The following GALNT1 variants were observed in gnomAD, a reference collection of about 807,000 sequenced individuals.
GALNT1 encodes the protein polypeptide N-acetylgalactosaminyltransferase 1, also known as GalNAc transferase 1.
In GALNT1, 17 loss-of-function variants were observed where a neutral mutation model predicts 65.7. The ratio of observed to expected loss-of-function variants is 0.26; its 90% CI spans 0.18 to 0.39. The LOEUF is 0.39. GALNT1 is among the 10% of genes least tolerant of loss of function. The pLI is 1.00. For synonymous variants in GALNT1, 210 were observed against 219.7 expected, an observed-to-expected ratio of 0.96 and a Z score of 0.39; for missense variants, 460 against 672.8, an observed-to-expected ratio of 0.68 and a Z score of 3.50.
chr18:35,661,336 T>C lies in GALNT1; in HGVS notation c.140-2292T>C, dbSNP rs1009536547. Reference sequence around the variant, plus strand: ...CAACATGGTGAAACCCCATTTCTACTGAAAATACAAAAATTAGCCAGATAT... The same window carrying C: ...CAACATGGTGAAACCCCATTTCTACCGAAAATACAAAAATTAGCCAGATAT... On this transcript the variant is annotated intron_variant, in intron 2 of 11. Transcript: ENST00000269195. Among the ~76,000 whole-genome samples, 49 of 152,076 alleles carry C rather than the reference T, an allele frequency of 3.2e-4. 1 individual carries two copies. Among genetic ancestry groups the C allele is most frequent in the African/African-American group, 1.2e-3 (49 of 41,508 alleles).
intron 1 of GALNT1, among the ~76,000 whole-genome samples, chr18:35,650,046 C>G (rs1195781360): frequency 1.3e-5 from 2 of 152,124 alleles, no homozygotes; most frequent in Admixed American, 6.6e-5. Context: ...ACACCAGCAG[C>G]CTCTGGAAAA....
At chr18:35,617,987 T>C (rs762748574) in intron 1 of GALNT1, among the ~76,000 whole-genome samples, 1 of 152,112 alleles carries the variant, frequency 6.6e-6, no homozygotes, top group Non-Finnish European at 1.5e-5. Flanking sequence ...AACCATAAAC[T>C]TTGCTCTAGC....
chr18:35,590,447 A>G (rs1335623353), intron 1 of GALNT1, among the ~76,000 whole-genome samples: 2 of 152,184 alleles, frequency 1.3e-5, no homozygotes, highest in Non-Finnish European at 2.9e-5. Flanking sequence ...GTATAGGACA[A>G]ACTTCTATGG....
At position 35,638,149 on chromosome 18, in the gene GALNT1, C is replaced by T. The variant is rs143126947; in HGVS notation, c.-103-16411C>T. The stretch of plus-strand genomic sequence containing the variant: ...GCAAATGCAACATTTATTCTGCAGC[C>T]CATGAATCAAAGAGTAATTTTGACT... On this transcript the variant is annotated intron_variant, in intron 1 of 11. Coordinates refer to ENST00000269195, the MANE Select transcript of GALNT1 (RefSeq NM_020474.4). Among the ~76,000 whole-genome samples the T allele has an allele frequency of 2.6e-5, 4 of 152,082 alleles. No individual in the cohort carries two copies. In the East Asian group the frequency reaches 7.7e-4, roughly 29 times the overall value.
At chr18:35,582,266 G>T (rs1320838130) in intron 1 of GALNT1, among the ~76,000 whole-genome samples, 1 of 152,174 alleles carries the variant, frequency 6.6e-6, no homozygotes, top group African/African-American at 2.4e-5. Flanking sequence ...GCGGGGGAGG[G>T]GGCTTCCCGG....
chr18:35,674,077 A>G (rs1208375841), intron 3 of GALNT1, among the ~76,000 whole-genome samples: 1 of 152,190 alleles, frequency 6.6e-6, no homozygotes, highest in East Asian at 1.9e-4. Context: ...CAGTATAAAT[A>G]TGGTATAAAA....
At chr18:35,607,550 C>G (rs945433501) in intron 1 of GALNT1, among the ~76,000 whole-genome samples, 7 of 152,136 alleles carry the variant, frequency 4.6e-5, no homozygotes, top group East Asian at 1.9e-4. Context: ...GTACTTCTGT[C>G]TCATGTCTAA....
At chr18:35,662,227 T>C (rs1157387473) in intron 2 of GALNT1, among the ~76,000 whole-genome samples, 1 of 152,184 alleles carries the variant, frequency 6.6e-6, no homozygotes, top group Non-Finnish European at 1.5e-5. Context: ...CTCTACCAAC[T>C]CTCATATTTA....
At chr18:35,674,548 T>C (rs2047681033) in intron 3 of GALNT1, among the ~76,000 whole-genome samples, 1 of 152,206 alleles carries the variant, frequency 6.6e-6, no homozygotes, top group South Asian at 2.1e-4. Flanking sequence ...CCTACAGAGC[T>C]TAGGCATGCC....
intron 9 of GALNT1, among the ~76,000 whole-genome samples, chr18:35,699,505 A>C (rs2048120117): frequency 6.6e-6 from 1 of 152,200 alleles, no homozygotes; most frequent in African/African-American, 2.4e-5. Flanking sequence ...AACTAAAGGA[A>C]TTGGTAGTGT....
intron 1 of GALNT1, among the ~76,000 whole-genome samples, chr18:35,652,117 T>G (rs1313809773): frequency 2.0e-5 from 3 of 152,164 alleles, no homozygotes; most frequent in African/African-American, 7.2e-5. Flanking sequence ...CCTGGTACGG[T>G]TATGATCTCA....
At position 35,689,202 on chromosome 18, in the gene GALNT1, C is replaced by G. The variant is rs767865044; in HGVS notation, c.890C>G (p.Ser297Ter). 1 of 1,612,076 alleles carries G rather than the reference C, an allele frequency of 6.2e-7. No homozygotes were observed. The highest frequency in any genetic ancestry group is 8.5e-7 in the Non-Finnish European group (1 of 1,178,678). The change falls in exon 7 of 12, where the codon TCA (serine) becomes TGA (stop). Residue 297 changes from serine to a stop codon, truncating the protein, a stop_gained. Transcript: ENST00000269195. LOFTEE classifies it high-confidence loss of function. Reference protein sequence around the residue: ...RTPTMAGGLFSIDRDYFQEIG... With the variant: ...RTPTMAGGLF Reference sequence around the variant, plus strand: ...CCTACCATGGCAGGAGGCCTTTTTTCAATAGACAGAGATTACTTTCAGGAA... The same window carrying G: ...CCTACCATGGCAGGAGGCCTTTTTTGAATAGACAGAGATTACTTTCAGGAA...
intron 3 of GALNT1, among the ~76,000 whole-genome samples, chr18:35,675,487 C>G (rs2047698580): frequency 6.6e-6 from 1 of 152,126 alleles, no homozygotes; most frequent in Non-Finnish European, 1.5e-5. Flanking sequence ...TTCTTATAAT[C>G]TTACAATCTT....
chr18:35,691,709 T>A (rs1261293398), intron 8 of GALNT1, among the ~76,000 whole-genome samples: 1 of 152,168 alleles, frequency 6.6e-6, no homozygotes, highest in Non-Finnish European at 1.5e-5. Flanking sequence ...GAAACTTTGC[T>A]ATTCAGAGTT....
chr18:35,653,124 C>G (rs942279282), intron 1 of GALNT1, among the ~76,000 whole-genome samples: 1 of 152,100 alleles, frequency 6.6e-6, no homozygotes, highest in Non-Finnish European at 1.5e-5. Context: ...TACAGGTGAC[C>G]CAGTATCAGG....
At position 35,650,519 on chromosome 18, in the gene GALNT1, G is replaced by C. The variant is rs1482210178; in HGVS notation, c.-103-4041G>C. ...GGCGGGAATTTCCTCGTCCTAATAA[G>C]CCTGGGAGTGCTACGGGAGACCGGG... On this transcript the variant is annotated intron_variant, in intron 1 of 11. Transcript: ENST00000269195. Among the ~76,000 whole-genome samples, 12 of 152,296 alleles carry C rather than the reference G, an allele frequency of 7.9e-5. No homozygotes were observed. The East Asian group carries it at 2.3e-3, about 29-fold the overall frequency.
chr18:35,639,856 G>C (rs1444137050), intron 1 of GALNT1, among the ~76,000 whole-genome samples: 2 of 152,050 alleles, frequency 1.3e-5, no homozygotes, highest in African/African-American at 4.8e-5. Flanking sequence ...GAGTGCAGTG[G>C]TGCGATCTCA....
chr18:35,618,665 T>TC (rs889555403), intron 1 of GALNT1, among the ~76,000 whole-genome samples: 1 of 152,186 alleles, frequency 6.6e-6, no homozygotes, highest in Non-Finnish European at 1.5e-5. Context: ...GTTTTTTTTT[T>TC]CCAACAATTT....
At chr18:35,690,129 T>TG (rs903701951) in intron 7 of GALNT1, among the ~76,000 whole-genome samples, 27 of 152,286 alleles carry the variant, frequency 1.8e-4, no homozygotes, top group African/African-American at 6.3e-4. Context: ...TTTAACTTGG[T>TG]GGGGGGAATG....
Sources: allele counts gnomAD v4.1 joint callset (sites outside exome capture counted in the v4.1 genomes callset), GRCh38; gene constraint gnomAD v4.1.1; transcripts MANE v1.5; gene names NCBI Gene and HGNC (gene_info 2026-07-23, HGNC 2026-07-21).